The following METTL2B variants were observed in gnomAD, a reference collection of about 807,000 sequenced individuals.
METTL2B encodes methyltransferase 2B, tRNA N3-cytidine.
METTL2B carries 28 observed loss-of-function variants against 51.0 expected under a neutral mutation model. That is an observed-to-expected ratio of 0.55 (90% CI 0.41 to 0.75). METTL2B has a LOEUF of 0.75. Among genes scored for constraint, METTL2B ranks in the 30% least tolerant of loss-of-function variants. METTL2B has a pLI of 0.00. For missense variants in METTL2B, 313 were observed against 460.7 expected (o/e 0.68, Z 2.93); for synonymous variants, 128 against 166.3 (o/e 0.77, Z 1.77).
chr7:128,483,084 A>G (rs1223476096), intron 4 of METTL2B: 1 of 152,134 alleles, frequency 6.6e-6, no homozygotes, highest in African/African-American at 2.4e-5. Context: ...AGATTGTTCT[A>G]CTCTTGAAGT....
At chr7:128,479,047 G>T (rs941852409) in intron 2 of METTL2B, 111 bp from the exon 3 acceptor site, 15 of 1,174,540 alleles carry the variant, frequency 1.3e-5, no homozygotes, top group Middle Eastern at 2.9e-4. Flanking sequence ...GGCTCTACCT[G>T]AGGATAATTT....
chr7:128,495,120 A>C (rs1792901478), intron 6 of METTL2B, among the ~76,000 whole-genome samples: 1 of 148,950 alleles, frequency 6.7e-6, no homozygotes, highest in Non-Finnish European at 1.5e-5. Flanking sequence ...ATGGTGTTTC[A>C]CCATGTTGGC....
At position 128,490,013 on chromosome 7, in the gene METTL2B, T is replaced by G. The variant is rs948930013; in HGVS notation, c.669+1852T>G. On this transcript the variant is annotated intron_variant, in intron 5 of 8. Transcript: ENST00000262432. ...TGAAAGATTTCTCTGTAGCATGCGA[T>G]GCTGATAGGATTTTGCCCACAGTAG... Among the ~76,000 whole-genome samples, 224 of 152,356 alleles carry G rather than the reference T, an allele frequency of 1.5e-3. 5 individuals are homozygous for G. Among genetic ancestry groups the G allele is most frequent in the Admixed American group, 0.015 (223 of 15,292 alleles).
At chr7:128,481,551 A>C (rs1799873316) in intron 4 of METTL2B, among the ~76,000 whole-genome samples, 1 of 152,170 alleles carries the variant, frequency 6.6e-6, no homozygotes, top group Non-Finnish European at 1.5e-5. Context: ...TGGGGTTCAG[A>C]GGATCTCACG....
chr7:128,501,054 C>A lies in METTL2B; in HGVS notation c.982+86C>A, dbSNP rs899837783. 2.5e-6 allele frequency: 4 copies of A among 1,592,984 alleles called. No homozygotes were observed. In the African/African-American group the frequency reaches 5.4e-5, roughly 21 times the overall value. On this transcript the variant is annotated intron_variant, in intron 8 of 8. Coordinates refer to ENST00000262432, the MANE Select transcript of METTL2B (RefSeq NM_018396.3). ...ATTCAGAAGGAAAACTATCTGGCCC[C>A]TCCTGCCTTTTAGGCAGGCTGTTTC... is the stretch of plus-strand genomic sequence containing the variant.
rs1363103982 is a variant in METTL2B at position 128,505,919 on chromosome 7, T to A, written c.*4003T>A. The A allele has an allele frequency of 6.6e-6, 1 of 152,194 alleles. No homozygotes were observed. The highest frequency in any genetic ancestry group is 1.9e-4 in the East Asian group (1 of 5,198). The allele number at this position is 152,194 out of a possible 1,614,324, so 9.4% of individuals were successfully genotyped here. ...CTTACTGCTTACTGCAGCCTCGACC[T>A]CCCATGCTCAAGTGATTCTCCCACC... On this transcript the variant is annotated 3_prime_UTR_variant, in exon 9 of 9. Transcript: ENST00000262432.
Position 128,501,900 on chromosome 7 carries a change from T to C in METTL2B, c.1121T>C (p.Leu374Pro). The C allele has an allele frequency of 6.2e-7, 1 of 1,614,148 alleles. No individual in the cohort carries two copies. The highest frequency in any genetic ancestry group is 8.5e-7 in the Non-Finnish European group (1 of 1,180,020). Residue 374 changes from leucine (L) to proline (P), a missense_variant, in exon 9 of 9, where the codon CTG becomes CCG. Around this residue, in one of 4 missense-constraint regions of METTL2B, gnomAD observed 138 missense variants for 187.6 expected, o/e 0.74. Coordinates refer to ENST00000262432, the MANE Select transcript of METTL2B (RefSeq NM_018396.3). ...WIQCKYCKPL[L>P]SSTS ...CAGTGCAAATACTGCAAGCCCCTTCTGTCCAGCACCAGCTAAGAGGCACCT... is the reference window on the plus strand; with the variant it reads ...CAGTGCAAATACTGCAAGCCCCTTCCGTCCAGCACCAGCTAAGAGGCACCT...
intron 6 of METTL2B, among the ~76,000 whole-genome samples, chr7:128,495,486 T>A (rs529888463): frequency 3.3e-5 from 5 of 152,262 alleles, no homozygotes; most frequent in East Asian, 1.9e-4. Context: ...AGTCTCACTC[T>A]GTTGCCCAGG....
chr7:128,486,738 A>C (rs1343164441), intron 4 of METTL2B, among the ~76,000 whole-genome samples: 6 of 152,232 alleles, frequency 3.9e-5, no homozygotes, highest in Non-Finnish European at 8.8e-5. Context: ...TAGCCTGGCC[A>C]ACATGGTGAA....
At chr7:128,488,513 C>T (rs3993548) in intron 5 of METTL2B, 63 of 483,644 alleles carry the variant, frequency 1.3e-4, no homozygotes, top group Admixed American at 1.3e-3. Context: ...TAGTGTGTGA[C>T]GTTACTGTTG....
chr7:128,504,106 A>C lies in METTL2B; in HGVS notation c.*2190A>C, dbSNP rs1362109097. ...ATAGTCCATTTTTTTCTGATGTCCC[A>C]ACATCAGCAAATATATTACCAAATA... is the stretch of plus-strand genomic sequence containing the variant. On this transcript the variant is annotated 3_prime_UTR_variant, in exon 9 of 9. Coordinates refer to ENST00000262432, the MANE Select transcript of METTL2B (RefSeq NM_018396.3). The C allele has an allele frequency of 6.6e-6, 1 of 152,220 alleles. No individual in the cohort carries two copies. Among genetic ancestry groups the C allele is most frequent in the Non-Finnish European group, 1.5e-5 (1 of 68,052 alleles). 9.4% of individuals were successfully genotyped at this position (152,220 alleles called of 1,614,324 possible). A position where few individuals can be genotyped will look rare whatever the true frequency, so the allele number is the denominator to read the frequency against.
chr7:128,485,369 C>T (rs1274798846), intron 4 of METTL2B, among the ~76,000 whole-genome samples: 1 of 151,942 alleles, frequency 6.6e-6, no homozygotes, highest in African/African-American at 2.4e-5. Flanking sequence ...CCCGTCTCTA[C>T]AAAAAAATTA....
chr7:128,487,657 C>T (rs978242495), intron 4 of METTL2B, among the ~76,000 whole-genome samples: 1 of 152,122 alleles, frequency 6.6e-6, no homozygotes, highest in Non-Finnish European at 1.5e-5. Flanking sequence ...GTTTGGTGAA[C>T]TAATAAGCGA....
At chr7:128,481,605 A>G (rs537295393) in intron 4 of METTL2B, among the ~76,000 whole-genome samples, 2 of 152,334 alleles carry the variant, frequency 1.3e-5, no homozygotes, top group South Asian at 4.1e-4. Context: ...GTGTTCTCCT[A>G]GCACACGGAT....
intron 7 of METTL2B, among the ~76,000 whole-genome samples, 181 bp from the exon 8 acceptor site, chr7:128,500,722 G>A (rs1228643664): frequency 6.6e-6 from 1 of 152,166 alleles, no homozygotes; most frequent in Admixed American, 6.6e-5. Flanking sequence ...TTGGAGTGGG[G>A]TGCTTAGGAA....
At chr7:128,493,192 G>A (rs919009337) in intron 5 of METTL2B, among the ~76,000 whole-genome samples, 7 of 151,396 alleles carry the variant, frequency 4.6e-5, no homozygotes, top group African/African-American at 1.7e-4. Flanking sequence ...AGTAATTGTC[G>A]TTTTTGCCAT....
At position 128,476,774 on chromosome 7, in the gene METTL2B, C is replaced by T. The variant is rs1563025447; in HGVS notation, c.9C>T (p.Gly3=). 5.6e-6 allele frequency: 9 copies of T among 1,614,098 alleles called. No homozygotes were observed. Among genetic ancestry groups the T allele is most frequent in the Admixed American group, 1.7e-5 (1 of 60,008 alleles). MA[G]SYPEGAPAIL... is the part of the protein sequence containing the mutation. ...TTTCCGGCTCCGGTGTCATGGCCGGCTCCTACCCTGAAGGTGCACCTGCAA... is the reference window on the plus strand; with the variant it reads ...TTTCCGGCTCCGGTGTCATGGCCGGTTCCTACCCTGAAGGTGCACCTGCAA... Residue 3 remains glycine (G), a synonymous_variant, in exon 1 of 9, where the codon GGC becomes GGT. Transcript: ENST00000262432.
chr7:128,500,626 A>T (rs1407930990), intron 7 of METTL2B, among the ~76,000 whole-genome samples: 7 of 145,656 alleles, frequency 4.8e-5, no homozygotes, highest in East Asian at 2.0e-4. Flanking sequence ...TGTCTCAAAA[A>T]AAATAAATAA....
rs1180637910 is a variant in METTL2B, at chr7:128,504,480, G to A, written c.*2564G>A. 1.3e-5 allele frequency: 2 copies of A among 151,020 alleles called. No individual in the cohort carries two copies. The highest frequency in any genetic ancestry group is 2.0e-4 in the East Asian group (1 of 5,038). 9.4% of individuals were successfully genotyped at this position (151,020 alleles called of 1,614,324 possible). On this transcript the variant is annotated 3_prime_UTR_variant, in exon 9 of 9. Coordinates refer to ENST00000262432, the MANE Select transcript of METTL2B (RefSeq NM_018396.3). ...TGATTCTCCTGCCTCAGCCTCCCAA[G>A]TAGCTGGAATTACAGGCATGCAGCA...
Sources: gnomAD v4.1 joint callset for allele counts (sites outside exome capture counted in the v4.1 genomes callset) on GRCh38, gnomAD v4.1.1 for gene constraint, gnomAD v4.1.1 regional missense constraint, MANE v1.5 for transcripts, NCBI Gene and HGNC (gene_info 2026-07-23, HGNC 2026-07-21) for gene names.